NCKAP5: variants seen among roughly 807,000 people sequenced by gnomAD.
NCKAP5 encodes the protein NCK associated protein 5, also known as nck-associated protein 5.
NCKAP5 carries 92 observed loss-of-function variants against 167.0 expected under a neutral mutation model. The ratio of observed to expected loss-of-function variants is 0.55; its 90% CI spans 0.47 to 0.66. NCKAP5 has a LOEUF of 0.66. Among genes scored for constraint, NCKAP5 ranks in the 30% least tolerant of loss-of-function variants. The pLI, the probability that NCKAP5 is intolerant of heterozygous loss-of-function variation, is 0.00. For synonymous variants in NCKAP5, 891 were observed against 877.4 expected (o/e 1.02, Z -0.27); for missense variants, 2,378 against 2,315.0 (o/e 1.03, Z -0.56).
chr2:133,460,861 A>C (rs980985575), intron 3 of NCKAP5, among the ~76,000 whole-genome samples: 2 of 152,190 alleles, frequency 1.3e-5, no homozygotes, highest in Non-Finnish European at 1.5e-5. Flanking sequence ...TAAAAATTTC[A>C]TAGGTAAGCC....
chr2:132,754,487 G>T (rs1305272448), intron 16 of NCKAP5, among the ~76,000 whole-genome samples: 1 of 152,138 alleles, frequency 6.6e-6, no homozygotes, highest in Non-Finnish European at 1.5e-5. Context: ...TATCCAAGGG[G>T]TTTATTAGGA....
chr2:132,780,446 G>A (rs1445921861), intron 15 of NCKAP5, among the ~76,000 whole-genome samples: 3 of 152,124 alleles, frequency 2.0e-5, no homozygotes, highest in South Asian at 2.1e-4. Flanking sequence ...CACCGCACCC[G>A]GCCTTATTTT....
rs79438329 is a variant in NCKAP5, at chr2:133,318,142, T to C, written c.70-15032A>G. On this transcript the variant is annotated intron_variant, in intron 3 of 19. Coordinates refer to ENST00000409261, the MANE Select transcript of NCKAP5 (RefSeq NM_207363.3). ...CATAGTTGATTCTCTAATACCAGCA[T>C]AAACAGCTTTCAGGAGAATCATGCC... Among the ~76,000 whole-genome samples the C allele has an allele frequency of 4.7e-3, 718 of 152,296 alleles. 3 individuals are homozygous for C. Among genetic ancestry groups the C allele is most frequent in the African/African-American group, 0.016 (681 of 41,542 alleles).
In NCKAP5 at chr2:132,963,563, T is replaced by TG. The variant is rs201033275; in HGVS notation, c.579+156dup. Among the ~76,000 whole-genome samples the TG allele has an allele frequency of 8.3e-3, 1,266 of 152,334 alleles. 7 individuals are homozygous for TG. The highest frequency in any genetic ancestry group is 0.012 in the Non-Finnish European group (849 of 68,016). On this transcript the variant is annotated intron_variant, in intron 8 of 19. Coordinates refer to ENST00000409261, the MANE Select transcript of NCKAP5 (RefSeq NM_207363.3). ...CAAGACCCTTTCAGTGCTAACTTTT[T>TG]GCTCATTGTAGACAAATCTCAGCAG...
chr2:132,673,450 T>A, intron 19 of NCKAP5, 145 bp from the exon 20 acceptor site: 1 of 616,596 alleles, frequency 1.6e-6, no homozygotes, highest in Non-Finnish European at 2.4e-6. Context: ...CTAGTATAAT[T>A]AGATGTAATA....
intron 6 of NCKAP5, among the ~76,000 whole-genome samples, chr2:133,049,067 T>C (rs1392768245): frequency 6.6e-6 from 1 of 152,216 alleles, no homozygotes; most frequent in Admixed American, 6.5e-5. Context: ...CATTATCATC[T>C]GAAGTGTAAA....
intron 19 of NCKAP5, among the ~76,000 whole-genome samples, chr2:132,684,690 C>G (rs1418623194): frequency 6.6e-6 from 1 of 152,150 alleles, no homozygotes; most frequent in African/African-American, 2.4e-5. Context: ...TCCCCTTCCC[C>G]TACAAAGTTG....
At position 133,245,981 on chromosome 2, in the gene NCKAP5, G is replaced by T. The variant is rs530004725; in HGVS notation, c.144-32202C>A. Among the ~76,000 whole-genome samples the T allele has an allele frequency of 1.8e-4, 28 of 152,042 alleles. No homozygotes were observed. In the South Asian group the frequency reaches 5.6e-3, roughly 30 times the overall value. Reference sequence around the variant, plus strand: ...ATGCTAGGGCAGTCAACTAGCATATGTTGCAACAGCTGTGCTGTGGGGATT... The same window carrying T: ...ATGCTAGGGCAGTCAACTAGCATATTTTGCAACAGCTGTGCTGTGGGGATT... On this transcript the variant is annotated intron_variant, in intron 4 of 19. Coordinates refer to ENST00000409261, the MANE Select transcript of NCKAP5 (RefSeq NM_207363.3).
intron 3 of NCKAP5, among the ~76,000 whole-genome samples, chr2:133,453,387 C>A (rs1691665081): frequency 6.6e-6 from 1 of 152,118 alleles, no homozygotes; most frequent in Non-Finnish European, 1.5e-5. Context: ...TAAAATCTCA[C>A]CCACTTAAAA....
chr2:133,418,772 C>G (rs1689283012), intron 3 of NCKAP5, among the ~76,000 whole-genome samples: 1 of 152,128 alleles, frequency 6.6e-6, no homozygotes, highest in Non-Finnish European at 1.5e-5. Context: ...AACTAGAAAA[C>G]TCCATTGCCG....
At chr2:133,153,350 T>C (rs2083447985) in intron 5 of NCKAP5, among the ~76,000 whole-genome samples, 1 of 152,164 alleles carries the variant, frequency 6.6e-6, no homozygotes. Context: ...TAATGCAAGA[T>C]GTTAATCATG....
the NCKAP5 span, among the ~76,000 whole-genome samples, chr2:133,651,411 A>G: frequency 1.3e-5 from 2 of 152,232 alleles, no homozygotes; most frequent in Non-Finnish European, 2.9e-5. Flanking sequence ...AAAGTGTTCA[A>G]CATCACTAAT....
intron 8 of NCKAP5, chr2:132,926,095 T>C (rs961012877): frequency 7.0e-6 from 2 of 284,332 alleles, no homozygotes; most frequent in Middle Eastern, 4.2e-4. Context: ...GGTCCATGTG[T>C]ACACATTATT....
the NCKAP5 span, among the ~76,000 whole-genome samples, chr2:133,615,838 C>A: frequency 6.6e-6 from 1 of 152,106 alleles, no homozygotes; most frequent in East Asian, 1.9e-4. Context: ...CCCAAATCAA[C>A]AGAATGTACA....
intron 11 of NCKAP5, among the ~76,000 whole-genome samples, chr2:132,858,453 A>T (rs1182468672): frequency 3.9e-5 from 6 of 152,216 alleles, no homozygotes; most frequent in African/African-American, 9.6e-5. Context: ...GTTTGGAATG[A>T]TTGTATTTTA....
At chr2:132,907,769 T>C (rs1694117461) in intron 8 of NCKAP5, among the ~76,000 whole-genome samples, 1 of 152,166 alleles carries the variant, frequency 6.6e-6, no homozygotes, top group Admixed American at 6.5e-5. Flanking sequence ...GCCATTCTCC[T>C]GCCTCAGCCT....
At chr2:132,822,991 A>G (rs1363027810) in intron 11 of NCKAP5, among the ~76,000 whole-genome samples, 4 of 152,218 alleles carry the variant, frequency 2.6e-5, no homozygotes, top group African/African-American at 9.6e-5. Flanking sequence ...AATTAACCCA[A>G]TCAGACAAAG....
At chr2:133,270,344 A>G (rs550614584) in intron 4 of NCKAP5, among the ~76,000 whole-genome samples, 2 of 152,356 alleles carry the variant, frequency 1.3e-5, no homozygotes, top group South Asian at 2.1e-4. Context: ...ACTTACTCTC[A>G]TGTTTTAAAA....
intron 6 of NCKAP5, among the ~76,000 whole-genome samples, chr2:133,022,672 C>T (rs1203703948): frequency 6.6e-6 from 1 of 152,120 alleles, no homozygotes; most frequent in Non-Finnish European, 1.5e-5. Flanking sequence ...GCCTAAATGC[C>T]CCTCCTCTAT....
Sources: gnomAD v4.1 joint callset for allele counts (sites outside exome capture counted in the v4.1 genomes callset) on GRCh38, gnomAD v4.1.1 for gene constraint, MANE v1.5 for transcripts, NCBI Gene and HGNC (gene_info 2026-07-23, HGNC 2026-07-21) for gene names.